The following VGLL2 variants were observed in gnomAD, a reference collection of about 807,000 sequenced individuals.
VGLL2 encodes the protein transcription cofactor vestigial-like protein 2.
Under a neutral mutation model 27.0 loss-of-function variants are expected in VGLL2, and 18 were observed. The observed-to-expected ratio is 0.67, with a 90% CI of 0.46 to 0.99. The LOEUF (loss-of-function observed/expected upper bound fraction) is 0.99, where lower values mean the gene tolerates loss of function less well. Among genes scored for constraint, VGLL2 ranks in the 50% least tolerant of loss-of-function variants. VGLL2 has a pLI of 0.00. For missense variants in VGLL2, 491 were observed against 452.3 expected, an observed-to-expected ratio of 1.09 and a Z score of -0.78; for synonymous variants, 220 against 201.1, an observed-to-expected ratio of 1.09 and a Z score of -0.80.
chr6:117,265,658 T>C lies in VGLL2; in HGVS notation c.-106T>C. On this transcript the variant is annotated 5_prime_UTR_variant, in exon 1 of 4. Transcript: ENST00000326274. ...CGGAGCGCGCTGGCTTTGCTCCGCC[T>C]GATGACTCCAGAGCGCGGGTCCAAG... 1 of 928,552 alleles carries C rather than the reference T, an allele frequency of 1.1e-6. No homozygotes were observed. Among genetic ancestry groups the C allele is most frequent in the Non-Finnish European group, 1.7e-6 (1 of 582,046 alleles). The allele number at this position is 928,552 out of a possible 1,614,324, so 57.5% of individuals were successfully genotyped here.
chr6:117,270,554 C>A lies in VGLL2; in HGVS notation c.403C>A (p.Pro135Thr), dbSNP rs1406239112. ...SSGPWRDCSF[P>T]MSQRSFPASF... ...CGGCCGGCCTACAGACTGCTCCTTC[C>A]CGATGAGCCAGCGCAGCTTCCCCGC... Residue 135 changes from proline to threonine, a missense_variant, in exon 3 of 4, where the codon CCG becomes ACG. By Grantham distance (38) the Pro-to-Thr change is conservative (BLOSUM62 -1). Coordinates refer to ENST00000326274, the MANE Select transcript of VGLL2 (RefSeq NM_182645.3). 6.3e-7 allele frequency: 1 copy of A among 1,598,512 alleles called. No individual in the cohort carries two copies.
chr6:117,265,711 C>T lies in VGLL2; in HGVS notation c.-53C>T, dbSNP rs1183008127. The T allele has an allele frequency of 6.6e-7, 1 of 1,515,964 alleles. No homozygotes were observed. The highest frequency in any genetic ancestry group is 9.2e-7 in the Non-Finnish European group (1 of 1,092,348). 93.9% of individuals were successfully genotyped at this position (1,515,964 alleles called of 1,614,324 possible). A position where few individuals can be genotyped will look rare whatever the true frequency, so the allele number is the denominator to read the frequency against. On this transcript the variant is annotated 5_prime_UTR_variant, in exon 1 of 4. Coordinates refer to ENST00000326274, the MANE Select transcript of VGLL2 (RefSeq NM_182645.3). ...CCGCCCATGCAGCACCCCTGAGCTC[C>T]GGGGAAGGAGAGTTAATGAAAAAAC... is the stretch of plus-strand genomic sequence containing the variant.
intron 2 of VGLL2, 71 bp from the exon 3 acceptor site, chr6:117,270,472 C>G: frequency 6.8e-7 from 1 of 1,481,354 alleles, no homozygotes; most frequent in Non-Finnish European, 9.0e-7. Context: ...TGCAGGTCGG[C>G]GCTGAGTCCA....
Position 117,265,582 on chromosome 6 carries a change from G to T in VGLL2, c.-182G>T. 1.6e-6 allele frequency: 1 copy of T among 612,952 alleles called. No homozygotes were observed. Among genetic ancestry groups the T allele is most frequent in the Non-Finnish European group, 2.9e-6 (1 of 339,974 alleles). The allele number at this position is 612,952 out of a possible 1,614,324, so 38.0% of individuals were successfully genotyped here. A position where few individuals can be genotyped will look rare whatever the true frequency, so the allele number is the denominator to read the frequency against. On this transcript the variant is annotated 5_prime_UTR_variant, in exon 1 of 4. Transcript: ENST00000326274. ...CGCTTCTGCCCTGGAGCGCGGTCGGGAGTAAAATCGCAGGAGTGGGAGGGT... is the reference window on the plus strand; with the variant it reads ...CGCTTCTGCCCTGGAGCGCGGTCGGTAGTAAAATCGCAGGAGTGGGAGGGT...
At chr6:117,269,278 C>T (rs1773131528) in intron 2 of VGLL2, among the ~76,000 whole-genome samples, 2 of 152,108 alleles carry the variant, frequency 1.3e-5, no homozygotes, top group African/African-American at 4.8e-5. Context: ...CTCAACTTCC[C>T]TTTATTACCA....
intron 1 of VGLL2, among the ~76,000 whole-genome samples, chr6:117,267,086 A>G (rs1020044386): frequency 3.3e-5 from 5 of 152,114 alleles, no homozygotes; most frequent in African/African-American, 1.2e-4. Context: ...TCTGAAATGT[A>G]CTTCTTCCCA....
intron 2 of VGLL2, among the ~76,000 whole-genome samples, chr6:117,269,452 A>C (rs497236): frequency 0.1 from 15,884 of 152,254 alleles, 1,079 homozygotes; most frequent in Middle Eastern, 0.15. Flanking sequence ...CCCCCTTAAG[A>C]GACGCTGGCA....
In VGLL2 at chr6:117,270,905, G is replaced by A; in HGVS notation, c.754G>A (p.Ala252Thr). Reference sequence around the variant, plus strand: ...GATGCCAGCCGCCTCGGGGCGCCCGGCCCGCCTCGCAACCGCCCCGGCGCC... The same window carrying A: ...GATGCCAGCCGCCTCGGGGCGCCCGACCCGCCTCGCAACCGCCCCGGCGCC... The part of the protein sequence containing the change: ...LLMPAASGRP[A>T]RLATAPAPAP... The change falls in exon 3 of 4, where the codon GCC becomes ACC. Residue 252 changes from alanine (A) to threonine (T), a missense_variant. Ala to Thr is a moderately conservative substitution (Grantham distance 58). Transcript: ENST00000326274. The A allele has an allele frequency of 1.6e-6, 2 of 1,262,488 alleles. No homozygotes were observed. The highest frequency in any genetic ancestry group is 3.4e-5 in the East Asian group (1 of 29,662). The allele number at this position is 1,262,488 out of a possible 1,614,324, so 78.2% of individuals were successfully genotyped here. A position where few individuals can be genotyped will look rare whatever the true frequency, so the allele number is the denominator to read the frequency against.
rs992401627 is a variant in VGLL2 at position 117,273,444 on chromosome 6, C to G, written c.*950C>G. ...TCTCCATTACCTCGAATTTTTTTCT[C>G]AGTCTCACTGGTTGTGATTTGGTCA... On this transcript the variant is annotated 3_prime_UTR_variant, in exon 4 of 4. Transcript: ENST00000326274. 6 of 152,080 alleles carry G rather than the reference C, an allele frequency of 3.9e-5. No individual in the cohort carries two copies. Among genetic ancestry groups the G allele is most frequent in the African/African-American group, 1.4e-4 (6 of 41,412 alleles). The allele number at this position is 152,080 out of a possible 1,614,324, so 9.4% of individuals were successfully genotyped here.
At chr6:117,266,306 C>T (rs1031278039) in intron 1 of VGLL2, among the ~76,000 whole-genome samples, 1 of 152,218 alleles carries the variant, frequency 6.6e-6, no homozygotes, top group African/African-American at 2.4e-5. Context: ...CTCATCCCTG[C>T]AAGTTTATCT....
At chr6:117,271,282 A>G (rs888967975) in intron 3 of VGLL2, among the ~76,000 whole-genome samples, 30 of 148,308 alleles carry the variant, frequency 2.0e-4, no homozygotes, top group Non-Finnish European at 3.9e-4. Flanking sequence ...GGTAAATGTT[A>G]CAGAGGACTT....
Position 117,270,591 on chromosome 6 carries a change from A to T in VGLL2, c.440A>T (p.Asn147Ile). The T allele has an allele frequency of 3.8e-6, 6 of 1,595,472 alleles. No homozygotes were observed. Among genetic ancestry groups the T allele is most frequent in the Non-Finnish European group, 4.3e-6 (5 of 1,173,024 alleles). ...CGCAGCTTCCCCGCCTCCTTCTGGA[A>T]TAGCGCGTACCAGGCGCCAGTGCCC... is the stretch of plus-strand genomic sequence containing the variant. ...SQRSFPASFW[N>I]SAYQAPVPPP... Residue 147 changes from asparagine (N) to isoleucine (I), a missense_variant, in exon 3 of 4, where the codon AAT becomes ATT. Physicochemically the swap from Asn to Ile is moderately radical, Grantham distance 149. Transcript: ENST00000326274.
rs529164437 is a variant in VGLL2 at position 117,270,741 on chromosome 6, C to A, written c.590C>A (p.Ala197Glu). 11 of 1,513,042 alleles carry A rather than the reference C, an allele frequency of 7.3e-6. No homozygotes were observed. The South Asian group carries it at 8.6e-5, about 12-fold the overall frequency. The allele number at this position is 1,513,042 out of a possible 1,614,324, so 93.7% of individuals were successfully genotyped here. ...GGCGCCACGGAGCCCTGGCACCACG[C>A]GCACCCGCACCACGCGCACCCGCAT... is the stretch of plus-strand genomic sequence containing the variant. The part of the protein sequence containing the change: ...HQGATEPWHH[A>E]HPHHAHPHHP... The change falls in exon 3 of 4, where the codon GCG becomes GAG. Residue 197 changes from alanine to glutamate, a missense_variant. By Grantham distance (107) the Ala-to-Glu change is moderately radical (BLOSUM62 -1). Coordinates refer to ENST00000326274, the MANE Select transcript of VGLL2 (RefSeq NM_182645.3).
chr6:117,271,058 G>T lies in VGLL2; in HGVS notation c.907G>T (p.Asp303Tyr). 8.2e-7 allele frequency: 1 copy of T among 1,226,494 alleles called. No individual in the cohort carries two copies. The highest frequency in any genetic ancestry group is 4.1e-5 in the South Asian group (1 of 24,470). 76.0% of individuals were successfully genotyped at this position (1,226,494 alleles called of 1,614,324 possible). Residue 303 changes from aspartate (D) to tyrosine (Y), a missense_variant, in exon 3 of 4, where the codon GAC becomes TAC. Coordinates refer to ENST00000326274, the MANE Select transcript of VGLL2 (RefSeq NM_182645.3). ...DVAQGLGLSV[D>Y]SARRYSLCGA... ...GGCCCAGGGTCTGGGCCTCAGCGTG[G>T]ACTCAGGTAAGCAGAGGAAGAAGTT... is the stretch of plus-strand genomic sequence containing the variant.
chr6:117,272,628 C>A lies in VGLL2; in HGVS notation c.*134C>A. ...CAGACTTCTCAGTGTGTTGGGAAAA[C>A]CAAAAACCACAACTACAGAAATTCA... is the stretch of plus-strand genomic sequence containing the variant. On this transcript the variant is annotated 3_prime_UTR_variant, in exon 4 of 4. Coordinates refer to ENST00000326274, the MANE Select transcript of VGLL2 (RefSeq NM_182645.3). 8.0e-7 allele frequency: 1 copy of A among 1,248,374 alleles called. No homozygotes were observed. Among genetic ancestry groups the A allele is most frequent in the Non-Finnish European group, 1.1e-6 (1 of 893,958 alleles). 77.3% of individuals were successfully genotyped at this position (1,248,374 alleles called of 1,614,324 possible).
At chr6:117,266,110 G>A (rs1773063517) in intron 1 of VGLL2, among the ~76,000 whole-genome samples, 1 of 152,234 alleles carries the variant, frequency 6.6e-6, no homozygotes, top group Admixed American at 6.5e-5. Flanking sequence ...GAGGAAGATG[G>A]CACGGGCTGG....
At chr6:117,268,106 G>A (rs886961541) in intron 1 of VGLL2, 76 bp from the exon 2 acceptor site, 9 of 1,422,342 alleles carry the variant, frequency 6.3e-6, no homozygotes, top group Non-Finnish European at 8.7e-6. Context: ...TAGAGATTAG[G>A]ATGAGGGAAT....
At chr6:117,272,263 C>T (rs1773219431) in intron 3 of VGLL2, 191 bp from the exon 4 acceptor site, 1 of 976,656 alleles carries the variant, frequency 1.0e-6, no homozygotes, top group Admixed American at 6.2e-5. Flanking sequence ...CCTCTCTTTC[C>T]CTCCCTCTCC....
intron 3 of VGLL2, among the ~76,000 whole-genome samples, chr6:117,271,986 C>G (rs1022427263): frequency 6.6e-6 from 1 of 152,030 alleles, no homozygotes; most frequent in African/African-American, 2.4e-5. Context: ...TATAGTCTGC[C>G]CACTGCCCCT....
Sources: gnomAD v4.1 joint callset for allele counts (sites outside exome capture counted in the v4.1 genomes callset) on GRCh38, gnomAD v4.1.1 for gene constraint, MANE v1.5 for transcripts, NCBI Gene and HGNC (gene_info 2026-07-23, HGNC 2026-07-21) for gene names.